The following HAT1 variants were observed in gnomAD, a reference collection of about 807,000 sequenced individuals.
HAT1 encodes the protein histone acetyltransferase type B catalytic subunit.
Under a neutral mutation model 56.6 loss-of-function variants are expected in HAT1, and 20 were observed. That is an observed-to-expected ratio of 0.35 (90% CI 0.25 to 0.51). The LOEUF is 0.51. Among genes scored for constraint, HAT1 ranks in the 20% least tolerant of loss-of-function variants. The pLI, the probability that HAT1 is intolerant of heterozygous loss-of-function variation, is 0.95. For missense variants in HAT1, 408 were observed against 504.3 expected (o/e 0.81, Z 1.83); for synonymous variants, 146 against 165.5 (o/e 0.88, Z 0.91).
At chr2:171,922,751 G>C (rs933039233) in intron 1 of HAT1, 9 of 395,928 alleles carry the variant, frequency 2.3e-5, no homozygotes, top group Non-Finnish European at 4.0e-5. Context: ...CCTACCGAGG[G>C]CCGAAGACGC....
chr2:171,979,402 A>C (rs201446897), intron 10 of HAT1, 39 bp downstream of exon 10: 4 of 942,974 alleles, frequency 4.2e-6, no homozygotes, highest in Non-Finnish European at 7.0e-6. Context: ...TATTCTTTTC[A>C]CTGTTTAAAA....
chr2:171,965,662 G>A, intron 5 of HAT1, 125 bp from the exon 6 acceptor site: 2 of 1,016,786 alleles, frequency 2.0e-6, no homozygotes, highest in Non-Finnish European at 3.0e-6. Context: ...GTGTATGTCT[G>A]TATCTATGTT....
Position 171,952,923 on chromosome 2 carries a change from C to G in HAT1, c.231C>G (p.Tyr77Ter). The change falls in exon 4 of 11, where the codon TAC (tyrosine) becomes TAG (stop). Residue 77 changes from tyrosine (Y) to a stop codon, truncating the protein, a stop_gained. Coordinates refer to ENST00000264108, the MANE Select transcript of HAT1 (RefSeq NM_003642.4). LOFTEE classifies it high-confidence loss of function. The part of the protein sequence containing the change: ...FGYKGLKILL[Y>*]YIAGSLSTMF... ...ACAAGGGTCTAAAGATCCTGTTATA[C>G]TATATTGCTGGTAGCCTGTCAACAA... 2 of 1,590,580 alleles carry G rather than the reference C, an allele frequency of 1.3e-6. No individual in the cohort carries two copies. Among genetic ancestry groups the G allele is most frequent in the Non-Finnish European group, 1.7e-6 (2 of 1,159,586 alleles).
intron 2 of HAT1, among the ~76,000 whole-genome samples, chr2:171,933,788 T>C (rs1041685137): frequency 1.3e-5 from 2 of 152,242 alleles, no homozygotes; most frequent in Non-Finnish European, 2.9e-5. Context: ...TCCTTTTAAA[T>C]TCATTGAGCC....
intron 9 of HAT1, among the ~76,000 whole-genome samples, chr2:171,977,558 T>TATATA (rs1491530330): frequency 4.7e-3 from 44 of 9,290 alleles, no homozygotes; most frequent in Admixed American, 9.5e-3. Flanking sequence ...TATATATATA[T>TATATA]TTTTTTTTTT....
intron 4 of HAT1, among the ~76,000 whole-genome samples, chr2:171,955,578 G>T (rs1280682885): frequency 2.6e-5 from 4 of 151,794 alleles, no homozygotes; most frequent in Non-Finnish European, 5.9e-5. Flanking sequence ...GCCATTCATT[G>T]CACTCCAGCC....
At position 171,970,522 on chromosome 2, in the gene HAT1, T is replaced by C. The variant is rs1687789464; in HGVS notation, c.823+3573T>C. On this transcript the variant is annotated intron_variant, in intron 8 of 10. Coordinates refer to ENST00000264108, the MANE Select transcript of HAT1 (RefSeq NM_003642.4). ...TTTTTTTTTTTTTTTTTTTTTTTTT[T>C]TTTTTTTTTTTTTTTGAGACGGAGT... Among the ~76,000 whole-genome samples, 3 of 46,296 alleles carry C rather than the reference T, an allele frequency of 6.5e-5. 1 individual carries two copies. Among genetic ancestry groups the C allele is most frequent in the South Asian group, 9.0e-4 (1 of 1,116 alleles). 30.4% of individuals were successfully genotyped at this position (46,296 alleles called of 152,430 possible).
chr2:171,976,120 A>C (rs1422279458), intron 8 of HAT1, 37 bp from the exon 9 acceptor site: 2 of 1,172,570 alleles, frequency 1.7e-6, no homozygotes, highest in Non-Finnish European at 2.2e-6. Flanking sequence ...ATTGAGTATC[A>C]GGGAAATGTT....
intron 2 of HAT1, among the ~76,000 whole-genome samples, chr2:171,940,937 AT>A (rs1429274729): frequency 6.6e-6 from 1 of 152,172 alleles, no homozygotes; most frequent in Non-Finnish European, 1.5e-5. Context: ...TTTTTCACTC[AT>A]TTTGACTAGG....
At chr2:171,949,982 C>G (rs1687264181) in intron 3 of HAT1, among the ~76,000 whole-genome samples, 1 of 152,148 alleles carries the variant, frequency 6.6e-6, no homozygotes, top group Non-Finnish European at 1.5e-5. Context: ...TTTCCAGATT[C>G]ATCTGGTACT....
intron 4 of HAT1, among the ~76,000 whole-genome samples, chr2:171,956,918 G>T (rs1364733799): frequency 6.6e-6 from 1 of 152,168 alleles, no homozygotes. Flanking sequence ...AGAGAAAGCC[G>T]TGAGTGTGAC....
chr2:171,961,799 T>C (rs1028447678), intron 4 of HAT1, among the ~76,000 whole-genome samples: 4 of 152,112 alleles, frequency 2.6e-5, no homozygotes, highest in African/African-American at 9.7e-5. Context: ...ACACTTTTAA[T>C]TTCTCAACAA....
intron 9 of HAT1, among the ~76,000 whole-genome samples, chr2:171,978,577 C>T (rs532082219): frequency 8.3e-4 from 115 of 138,230 alleles, no homozygotes; most frequent in African/African-American, 3.4e-3. Context: ...TCACATCCTT[C>T]TCTCAGTTTT....
In HAT1 at chr2:171,965,455, C is replaced by A; in HGVS notation, c.427C>A (p.Leu143Ile). The stretch of plus-strand genomic sequence containing the variant: ...TGATTTCAAGCCATTCGGAACCTTA[C>A]TTCATACCTACTCAGTTCTCAGTCC... ...EVDFKPFGTL[L>I]HTYSVLSPTG... is the part of the protein sequence containing the mutation. Residue 143 changes from leucine to isoleucine, a missense_variant, in exon 5 of 11, where the codon CTT (leucine) becomes ATT (isoleucine). Physicochemically the swap from Leu to Ile is conservative, Grantham distance 5 (BLOSUM62 2). Coordinates refer to ENST00000264108, the MANE Select transcript of HAT1 (RefSeq NM_003642.4). 6.2e-7 allele frequency: 1 copy of A among 1,610,498 alleles called. No homozygotes were observed. The highest frequency in any genetic ancestry group is 1.3e-5 in the African/African-American group (1 of 74,962).
At chr2:171,982,907 A>T (rs1688167527) in intron 10 of HAT1, among the ~76,000 whole-genome samples, 1 of 152,174 alleles carries the variant, frequency 6.6e-6, no homozygotes. Flanking sequence ...AGTTCTTTAA[A>T]GTTTTGGAGG....
At chr2:171,956,808 G>T (rs1463849587) in intron 4 of HAT1, among the ~76,000 whole-genome samples, 1 of 152,200 alleles carries the variant, frequency 6.6e-6, no homozygotes, top group Non-Finnish European at 1.5e-5. Flanking sequence ...AAACAAAAAG[G>T]ATACAGGACT....
chr2:171,970,429 A>G (rs1234616722), intron 8 of HAT1, among the ~76,000 whole-genome samples: 2 of 149,450 alleles, frequency 1.3e-5, no homozygotes, highest in African/African-American at 2.5e-5. Flanking sequence ...TCACACACAC[A>G]TACACACACA....
intron 1 of HAT1, chr2:171,924,960 A>G (rs1686546211): frequency 6.6e-6 from 1 of 152,074 alleles, no homozygotes; most frequent in Admixed American, 6.6e-5. Flanking sequence ...CAGAAATGTT[A>G]GTAATCTATC....
At chr2:171,976,377 T>A in intron 9 of HAT1, 69 bp downstream of exon 9, 1 of 786,886 alleles carries the variant, frequency 1.3e-6, no homozygotes, top group Non-Finnish European at 1.9e-6. Flanking sequence ...ATACCTTAAC[T>A]AAAATATTAT....
Sources: gnomAD v4.1 joint callset for allele counts (sites outside exome capture counted in the v4.1 genomes callset) on GRCh38, gnomAD v4.1.1 for gene constraint, MANE v1.5 for transcripts, NCBI Gene and HGNC (gene_info 2026-07-23, HGNC 2026-07-21) for gene names.